TTC17: variants seen among roughly 807,000 people sequenced by gnomAD.
TTC17 encodes the protein tetratricopeptide repeat protein 17.
In TTC17, 58 loss-of-function variants were observed where a neutral mutation model predicts 143.8. The ratio of observed to expected loss-of-function variants is 0.40; its 90% CI spans 0.33 to 0.50. The LOEUF (loss-of-function observed/expected upper bound fraction) is 0.50. TTC17 is among the 20% of genes least tolerant of loss of function. The pLI is 0.49. For synonymous variants in TTC17, 501 were observed against 497.8 expected (o/e 1.01, Z -0.09); for missense variants, 1,273 against 1,392.5 (o/e 0.91, Z 1.37).
chr11:43,438,351 G>A (rs1365612320), intron 16 of TTC17, among the ~76,000 whole-genome samples: 1 of 152,158 alleles, frequency 6.6e-6, no homozygotes, highest in Non-Finnish European at 1.5e-5. Context: ...TGCAGATGGG[G>A]TTTCACTGTG....
At chr11:43,414,408 A>T (rs1314819478) in intron 15 of TTC17, among the ~76,000 whole-genome samples, 182 bp from the exon 16 acceptor site, 11 of 152,188 alleles carry the variant, frequency 7.2e-5, no homozygotes, top group Non-Finnish European at 4.4e-5. Flanking sequence ...CTTAGCAAAA[A>T]AAGTGAACAC....
intron 1 of TTC17, among the ~76,000 whole-genome samples, chr11:43,365,852 C>G (rs1856316018): frequency 6.6e-6 from 1 of 152,174 alleles, no homozygotes; most frequent in African/African-American, 2.4e-5. Context: ...TAGATATTGC[C>G]ATCCTTCCAG....
intron 1 of TTC17, among the ~76,000 whole-genome samples, chr11:43,359,563 C>T (rs1856011883): frequency 6.6e-6 from 1 of 152,200 alleles, no homozygotes; most frequent in Non-Finnish European, 1.5e-5. Flanking sequence ...GGACCCCTAG[C>T]CTGTGGACCA....
intron 23 of TTC17, 115 bp from the exon 24 acceptor site, chr11:43,493,658 C>T (rs1365394587): frequency 2.9e-5 from 43 of 1,494,418 alleles, no homozygotes; most frequent in Non-Finnish European, 3.9e-5. Flanking sequence ...ATCCGTTGAG[C>T]AAATGCTGCG....
intron 16 of TTC17, among the ~76,000 whole-genome samples, chr11:43,419,522 A>T (rs1193497319): frequency 6.6e-6 from 1 of 152,236 alleles, no homozygotes; most frequent in Non-Finnish European, 1.5e-5. Context: ...GATGTTGAAG[A>T]AAAAGAAATC....
intron 1 of TTC17, among the ~76,000 whole-genome samples, chr11:43,375,132 A>G (rs930274083): frequency 6.6e-6 from 1 of 152,210 alleles, no homozygotes; most frequent in African/African-American, 2.4e-5. Context: ...TTGCTTCGTC[A>G]TCCCCATTCT....
At chr11:43,415,303 G>T (rs924539129) in intron 16 of TTC17, among the ~76,000 whole-genome samples, 2 of 152,124 alleles carry the variant, frequency 1.3e-5, no homozygotes, top group South Asian at 4.1e-4. Flanking sequence ...GGGCATATAT[G>T]CCTGTGTATA....
At chr11:43,453,877 A>G (rs1947712314) in intron 21 of TTC17, among the ~76,000 whole-genome samples, 1 of 152,224 alleles carries the variant, frequency 6.6e-6, no homozygotes, top group Non-Finnish European at 1.5e-5. Flanking sequence ...TGTGTTCAGA[A>G]CACTTATATT....
intron 19 of TTC17, 121 bp from the exon 20 acceptor site, chr11:43,449,961 G>A: frequency 9.0e-7 from 1 of 1,115,230 alleles, no homozygotes; most frequent in South Asian, 1.7e-5. Flanking sequence ...GGGATAGCAT[G>A]TTGAAGCTAT....
rs188850526 is a variant in TTC17, at chr11:43,446,620, C to T, written c.2666-1382C>T. On this transcript the variant is annotated intron_variant, in intron 18 of 23. Transcript: ENST00000039989. ...ATTTGAAACTCTTCCAAAACTGTTC[C>T]TTTCTGTTTTGTTAAAATCTCAATC... 18 of 969,036 alleles carry T rather than the reference C, an allele frequency of 1.9e-5. No homozygotes were observed. In the African/African-American group the frequency reaches 3.0e-4, roughly 16 times the overall value. 60.0% of individuals were successfully genotyped at this position (969,036 alleles called of 1,614,324 possible). A position where few individuals can be genotyped will look rare whatever the true frequency, so the allele number is the denominator to read the frequency against.
At chr11:43,363,788 C>G (rs1284504152) in intron 1 of TTC17, among the ~76,000 whole-genome samples, 2 of 152,152 alleles carry the variant, frequency 1.3e-5, no homozygotes, top group Non-Finnish European at 2.9e-5. Flanking sequence ...CAAGTGAGCA[C>G]CTTGTACTCA....
intron 16 of TTC17, among the ~76,000 whole-genome samples, chr11:43,432,579 A>G (rs1265165841): frequency 2.6e-5 from 4 of 152,112 alleles, no homozygotes; most frequent in Non-Finnish European, 5.9e-5. Context: ...TTTAAAGAAA[A>G]CTCATACCTC....
chr11:43,436,265 G>C (rs1381150276), intron 16 of TTC17: 3 of 1,449,506 alleles, frequency 2.1e-6, no homozygotes, highest in African/African-American at 2.8e-5. Flanking sequence ...CTCTGAGAGA[G>C]GAACAGAGGA....
intron 1 of TTC17, among the ~76,000 whole-genome samples, chr11:43,361,533 A>C (rs1431849527): frequency 6.6e-6 from 1 of 152,254 alleles, no homozygotes; most frequent in African/African-American, 2.4e-5. Context: ...TTTTACAATA[A>C]AGTATCAAAA....
chr11:43,381,407 A>G (rs1856963527), intron 2 of TTC17, among the ~76,000 whole-genome samples: 1 of 152,176 alleles, frequency 6.6e-6, no homozygotes, highest in African/African-American at 2.4e-5. Context: ...GTAGTGTCTG[A>G]TATGCAGCAC....
chr11:43,463,855 G>A (rs918628477), intron 21 of TTC17, among the ~76,000 whole-genome samples: 7 of 152,318 alleles, frequency 4.6e-5, no homozygotes, highest in Middle Eastern at 3.4e-3. Flanking sequence ...ATTGCTGCAT[G>A]AATGCACAAA....
intron 21 of TTC17, among the ~76,000 whole-genome samples, chr11:43,487,761 T>C (rs1948405784): frequency 6.6e-6 from 1 of 152,200 alleles, no homozygotes; most frequent in Admixed American, 6.5e-5. Flanking sequence ...TTATCACTGG[T>C]CTGGGGGCTG....
intron 1 of TTC17, among the ~76,000 whole-genome samples, chr11:43,360,038 G>T (rs1476276310): frequency 6.6e-6 from 1 of 152,228 alleles, no homozygotes; most frequent in African/African-American, 2.4e-5. Context: ...TTTAGAAAGT[G>T]AATTGTGTGC....
At position 43,493,837 on chromosome 11, in the gene TTC17, C is replaced by G. The variant is rs757564706; in HGVS notation, c.3359C>G (p.Pro1120Arg). The change falls in exon 24 of 24, where the codon CCA (proline) becomes CGA (arginine). Residue 1120 changes from proline (P) to arginine (R), a missense_variant. Coordinates refer to ENST00000039989, the MANE Select transcript of TTC17 (RefSeq NM_018259.6). Reference sequence around the variant, plus strand: ...TTGAAGCTTCAGCCCGAGTTTGTCCCAGCCAAGAACCGAATCCAGACCATC... The same window carrying G: ...TTGAAGCTTCAGCCCGAGTTTGTCCGAGCCAAGAACCGAATCCAGACCATC... ...STLKLQPEFV[P>R]AKNRIQTIQC... 1.2e-6 allele frequency: 2 copies of G among 1,614,052 alleles called. No homozygotes were observed.
Sources: gnomAD v4.1 joint callset for allele counts (sites outside exome capture counted in the v4.1 genomes callset) on GRCh38, gnomAD v4.1.1 for gene constraint, MANE v1.5 for transcripts, NCBI Gene and HGNC (gene_info 2026-07-23, HGNC 2026-07-21) for gene names.